ATP8B4: variants seen among roughly 807,000 people sequenced by gnomAD.
The protein encoded by ATP8B4 is ATPase phospholipid transporting 8B4 (putative).
In ATP8B4, 133 loss-of-function variants were observed where a neutral mutation model predicts 145.6. That is an observed-to-expected ratio of 0.91 (90% CI 0.79 to 1.05). ATP8B4 has a LOEUF of 1.05. ATP8B4 is among the 50% of genes least tolerant of loss of function. The pLI, the probability that ATP8B4 is intolerant of heterozygous loss-of-function variation, is 0.00. For synonymous variants in ATP8B4, 507 were observed against 492.9 expected (o/e 1.03, Z -0.38); for missense variants, 1,458 against 1,425.2 (o/e 1.02, Z -0.37).
At chr15:50,172,701 C>T (rs995984304) in intron 1 of ATP8B4, among the ~76,000 whole-genome samples, 1 of 151,312 alleles carries the variant, frequency 6.6e-6, no homozygotes, top group Non-Finnish European at 1.5e-5. Context: ...AAGTGAGGAG[C>T]GTCTCTGCCT....
intron 14 of ATP8B4, among the ~76,000 whole-genome samples, chr15:49,938,028 G>A (rs2041874194): frequency 6.6e-6 from 1 of 152,150 alleles, no homozygotes. Context: ...GGACCCGGGG[G>A]AAGGAAGAGA....
intron 2 of ATP8B4, among the ~76,000 whole-genome samples, chr15:50,086,816 A>G (rs1158558011): frequency 1.4e-5 from 1 of 71,196 alleles, no homozygotes; most frequent in Non-Finnish European, 2.3e-5. Flanking sequence ...TTTATTATAT[A>G]TAATAAAATA....
intron 2 of ATP8B4, among the ~76,000 whole-genome samples, chr15:50,090,569 C>T (rs1385779461): frequency 6.6e-6 from 1 of 152,138 alleles, no homozygotes; most frequent in Admixed American, 6.6e-5. Flanking sequence ...AAGCAAGCCC[C>T]ACCAGATACT....
At position 50,171,732 on chromosome 15, in the gene ATP8B4, A is replaced by G. The variant is rs61289150; in HGVS notation, c.-43+10529T>C. Reference sequence around the variant, plus strand: ...CAGAGCAGAACTAAATGAAATTGAAACAAACAAACAAACAAAAATACAAAG... The same window carrying G: ...CAGAGCAGAACTAAATGAAATTGAAGCAAACAAACAAACAAAAATACAAAG... On this transcript the variant is annotated intron_variant, in intron 1 of 3. Coordinates refer to the ATP8B4 transcript ENST00000558829. Among the ~76,000 whole-genome samples the G allele has an allele frequency of 3.2e-5, 4 of 126,464 alleles. No individual in the cohort carries two copies. The East Asian group carries it at 7.8e-4, about 25-fold the overall frequency. The allele number at this position is 126,464 out of a possible 152,430, so 83.0% of individuals were successfully genotyped here.
chr15:50,038,382 ATG>A (rs1331326590), intron 6 of ATP8B4, among the ~76,000 whole-genome samples: 1 of 152,240 alleles, frequency 6.6e-6, no homozygotes, highest in Admixed American at 6.5e-5. Context: ...TGATACAGTA[ATG>A]TGTGAGAAGT....
chr15:50,089,667 T>A (rs1422852564), intron 2 of ATP8B4, among the ~76,000 whole-genome samples: 1 of 152,018 alleles, frequency 6.6e-6, no homozygotes, highest in Admixed American at 6.6e-5. Context: ...TTTTTTTTCT[T>A]TCTTTCTTTT....
intron 23 of ATP8B4, among the ~76,000 whole-genome samples, chr15:49,890,406 G>A (rs1310540760): frequency 6.6e-6 from 1 of 152,208 alleles, no homozygotes; most frequent in East Asian, 1.9e-4. Context: ...TCCTGTTAAA[G>A]CAGTTTAGGA....
At chr15:50,023,779 C>CAAAAAAAAAAAAAAAAAAAAAAAAAG (rs60030651) in intron 6 of ATP8B4, among the ~76,000 whole-genome samples, 3 of 75,056 alleles carry the variant, frequency 4.0e-5, no homozygotes, top group African/African-American at 5.4e-5. Context: ...AGACCAAAGG[C>CAAAAAAAAAAAAAAAAAAAAAAAAAG]AAAAAAAAAA....
chr15:49,901,271 C>T lies in ATP8B4; in HGVS notation c.2142-32G>A, dbSNP rs1301878047. On this transcript the variant is annotated intron_variant, in intron 20 of 27. Transcript: ENST00000284509. ...GGAGAGGGTGAAAAGTGAAACATAACAAAGCATACAGAGCATGCCTACTAA... is the reference window on the plus strand; with the variant it reads ...GGAGAGGGTGAAAAGTGAAACATAATAAAGCATACAGAGCATGCCTACTAA... 2.5e-6 allele frequency: 4 copies of T among 1,604,816 alleles called. No homozygotes were observed. The East Asian group carries it at 6.7e-5, about 27-fold the overall frequency.
At chr15:50,094,575 T>C in intron 2 of ATP8B4, among the ~76,000 whole-genome samples, 1 of 149,172 alleles carries the variant, frequency 6.7e-6, no homozygotes, top group East Asian at 1.9e-4. Context: ...AATATAGGTG[T>C]ATATACACAT....
chr15:50,020,218 G>T (rs941026266), intron 6 of ATP8B4, among the ~76,000 whole-genome samples: 2 of 151,426 alleles, frequency 1.3e-5, no homozygotes, highest in African/African-American at 2.4e-5. Flanking sequence ...GCCTCCCAAA[G>T]TGCTGAGATT....
chr15:49,875,815 G>C (rs1168343301), intron 25 of ATP8B4, among the ~76,000 whole-genome samples: 2 of 152,214 alleles, frequency 1.3e-5, no homozygotes, highest in Non-Finnish European at 2.9e-5. Context: ...TCCTCTGAGT[G>C]TGAGATTCGG....
At chr15:49,969,127 G>C (rs1424209436) in intron 13 of ATP8B4, among the ~76,000 whole-genome samples, 1 of 152,210 alleles carries the variant, frequency 6.6e-6, no homozygotes, top group Non-Finnish European at 1.5e-5. Context: ...ATAAAGCAGT[G>C]TTTAGAGGGA....
chr15:49,947,203 T>A (rs1003984479), intron 14 of ATP8B4, among the ~76,000 whole-genome samples: 1 of 152,028 alleles, frequency 6.6e-6, no homozygotes, highest in East Asian at 1.9e-4. Context: ...GAAGCCAAGG[T>A]AGGCGGATCA....
intron 15 of ATP8B4, 132 bp from the exon 16 acceptor site, chr15:49,931,439 T>C: frequency 1.2e-6 from 1 of 817,076 alleles, no homozygotes; most frequent in South Asian, 1.9e-5. Flanking sequence ...TGTCCTCAGA[T>C]CTTTTCTACT....
At chr15:49,892,162 A>G (rs2036898441) in intron 23 of ATP8B4, among the ~76,000 whole-genome samples, 1 of 152,116 alleles carries the variant, frequency 6.6e-6, no homozygotes, top group South Asian at 2.1e-4. Context: ...GAATAGTTAA[A>G]TAATTTATAA....
intron 6 of ATP8B4, among the ~76,000 whole-genome samples, chr15:50,025,755 G>C (rs1230298743): frequency 6.6e-6 from 1 of 152,184 alleles, no homozygotes; most frequent in Non-Finnish European, 1.5e-5. Context: ...CAGACACTAA[G>C]CTCTGTGATT....
chr15:50,020,972 T>C (rs1054604836), intron 6 of ATP8B4, among the ~76,000 whole-genome samples: 1 of 151,996 alleles, frequency 6.6e-6, no homozygotes, highest in Non-Finnish European at 1.5e-5. Flanking sequence ...AATAAAATAA[T>C]AAAAATTGAT....
intron 1 of ATP8B4, among the ~76,000 whole-genome samples, chr15:50,158,645 G>T (rs976073388): frequency 6.6e-6 from 1 of 152,260 alleles, no homozygotes; most frequent in Non-Finnish European, 1.5e-5. Flanking sequence ...TGACAATGGC[G>T]GTTTTGTGGA....
Sources: allele counts gnomAD v4.1 joint callset (sites outside exome capture counted in the v4.1 genomes callset), GRCh38; gene constraint gnomAD v4.1.1; transcripts MANE v1.5; gene names NCBI Gene and HGNC (gene_info 2026-07-23, HGNC 2026-07-21).